The following BRINP3 variants were observed in gnomAD, a reference collection of about 807,000 sequenced individuals.
BRINP3 encodes the protein BMP/retinoic acid inducible neural specific 3, also known as BMP/retinoic acid-inducible neural-specific protein 3.
A neutral mutation model predicts 71.0 loss-of-function variants in BRINP3; 19 were observed. The ratio of observed to expected loss-of-function variants is 0.27; its 90% confidence interval spans 0.19 to 0.39. The LOEUF is 0.39. Among genes scored for constraint, BRINP3 ranks in the 10% least tolerant of loss-of-function variants. The pLI is 1.00. For missense variants in BRINP3, 959 were observed against 940.8 expected, an observed-to-expected ratio of 1.02 and a Z score of -0.25; for synonymous variants, 380 against 337.7, an observed-to-expected ratio of 1.13 and a Z score of -1.37.
chr1:190,412,193 G>A (rs1480500723), intron 2 of BRINP3, among the ~76,000 whole-genome samples: 17 of 151,934 alleles, frequency 1.1e-4, no homozygotes, highest in African/African-American at 4.1e-4. Context: ...AGGTTAATAA[G>A]TATTGGGGAA....
At chr1:190,150,170 G>C (rs1384496798) in intron 7 of BRINP3, among the ~76,000 whole-genome samples, 1 of 151,856 alleles carries the variant, frequency 6.6e-6, no homozygotes, top group Non-Finnish European at 1.5e-5. Context: ...TAATGCTCAA[G>C]GAAAAGAACT....
intron 2 of BRINP3, among the ~76,000 whole-genome samples, chr1:190,360,893 A>C (rs1669099756): frequency 2.0e-5 from 3 of 152,254 alleles, no homozygotes; most frequent in Admixed American, 2.0e-4. Context: ...CAAAAGTTAT[A>C]CATCTACACA....
At chr1:190,453,883 G>A (rs917349007) in intron 2 of BRINP3, among the ~76,000 whole-genome samples, 1 of 152,088 alleles carries the variant, frequency 6.6e-6, no homozygotes, top group Non-Finnish European at 1.5e-5. Flanking sequence ...AATTGTAAAA[G>A]TCTATCACCA....
At chr1:190,447,624 A>C (rs2900879) in intron 2 of BRINP3, among the ~76,000 whole-genome samples, 25,264 of 146,896 alleles carry the variant, frequency 0.17, 2,218 homozygotes, top group East Asian at 0.27. Flanking sequence ...CTCTCTCTCT[A>C]TATATATATA....
chr1:190,285,981 A>G (rs985697783), intron 2 of BRINP3, among the ~76,000 whole-genome samples: 6 of 152,264 alleles, frequency 3.9e-5, no homozygotes, highest in African/African-American at 1.2e-4. Context: ...GAACGTAACT[A>G]TCTTCCCATC....
At chr1:190,370,935 C>T (rs960518858) in intron 2 of BRINP3, among the ~76,000 whole-genome samples, 1 of 152,082 alleles carries the variant, frequency 6.6e-6, no homozygotes, top group African/African-American at 2.4e-5. Context: ...AATAATGTCT[C>T]ATGATCATTT....
At chr1:190,368,715 C>G (rs1418413119) in intron 2 of BRINP3, among the ~76,000 whole-genome samples, 1 of 152,228 alleles carries the variant, frequency 6.6e-6, no homozygotes, top group South Asian at 2.1e-4. Flanking sequence ...ATCACCCCAG[C>G]ACGTGGACCC....
intron 6 of BRINP3, among the ~76,000 whole-genome samples, chr1:190,181,746 C>T (rs1653047256): frequency 6.6e-6 from 1 of 151,832 alleles, no homozygotes; most frequent in African/African-American, 2.4e-5. Context: ...CATTCTAGAC[C>T]ATATTATAAT....
At chr1:190,324,814 C>T (rs551739717) in intron 2 of BRINP3, among the ~76,000 whole-genome samples, 52 of 151,578 alleles carry the variant, frequency 3.4e-4, no homozygotes, top group African/African-American at 1.2e-3. Context: ...ATAAATTACC[C>T]GTAATTAATT....
chr1:190,400,301 C>T (rs1280058856), intron 2 of BRINP3, among the ~76,000 whole-genome samples: 2 of 151,916 alleles, frequency 1.3e-5, no homozygotes, highest in South Asian at 2.1e-4. Flanking sequence ...GAGTTGAATT[C>T]GGAATAAATA....
At chr1:190,163,746 T>A (rs1651228295) in intron 6 of BRINP3, among the ~76,000 whole-genome samples, 2 of 152,216 alleles carry the variant, frequency 1.3e-5, no homozygotes, top group African/African-American at 2.4e-5. Context: ...ACTTCTCCAT[T>A]AAAAATTGAG....
intron 4 of BRINP3, among the ~76,000 whole-genome samples, chr1:190,258,223 C>T (rs1367725292): frequency 1.3e-5 from 2 of 152,194 alleles, no homozygotes; most frequent in African/African-American, 2.4e-5. Context: ...AGGCTACTGC[C>T]TTGCAGGTCA....
chr1:190,215,734 A>C (rs1264605493), intron 6 of BRINP3, among the ~76,000 whole-genome samples: 1 of 151,938 alleles, frequency 6.6e-6, no homozygotes, highest in Non-Finnish European at 1.5e-5. Flanking sequence ...TTGCCAATAC[A>C]AGATGGCCGC....
intron 4 of BRINP3, among the ~76,000 whole-genome samples, chr1:190,261,330 T>C (rs1194117257): frequency 6.6e-6 from 1 of 152,114 alleles, no homozygotes; most frequent in Non-Finnish European, 1.5e-5. Context: ...TTTATTGGAC[T>C]ACAAATAATA....
intron 7 of BRINP3, among the ~76,000 whole-genome samples, chr1:190,142,362 G>T (rs1655525820): frequency 6.6e-6 from 1 of 152,166 alleles, no homozygotes; most frequent in Admixed American, 6.5e-5. Flanking sequence ...ATGTGGAAAG[G>T]AAATCTCATT....
chr1:190,101,472 GA>G (rs1182052833), intron 7 of BRINP3, among the ~76,000 whole-genome samples: 1 of 152,070 alleles, frequency 6.6e-6, no homozygotes, highest in Non-Finnish European at 1.5e-5. Context: ...TAATACTACA[GA>G]TTCATCATTT....
intron 2 of BRINP3, among the ~76,000 whole-genome samples, chr1:190,448,025 C>T (rs929522904): frequency 3.3e-5 from 5 of 151,522 alleles, no homozygotes; most frequent in African/African-American, 1.2e-4. Flanking sequence ...TAAGACCATC[C>T]TAAAATAATT....
chr1:190,192,027 T>C (rs1377412742), intron 6 of BRINP3, among the ~76,000 whole-genome samples: 1 of 152,132 alleles, frequency 6.6e-6, no homozygotes, highest in Non-Finnish European at 1.5e-5. Context: ...CTTGCTGAAA[T>C]TGACTTATTA....
At chr1:190,397,077 T>C (rs1425400493) in intron 2 of BRINP3, among the ~76,000 whole-genome samples, 1 of 151,904 alleles carries the variant, frequency 6.6e-6, no homozygotes, top group African/African-American at 2.4e-5. Flanking sequence ...TAAGAATTAA[T>C]TGGTCCTGTG....
Sources: allele counts gnomAD v4.1 joint callset (sites outside exome capture counted in the v4.1 genomes callset), GRCh38; gene constraint gnomAD v4.1.1; transcripts MANE v1.5; gene names NCBI Gene and HGNC (gene_info 2026-07-23, HGNC 2026-07-21).